PRMT9: variants seen among roughly 807,000 people sequenced by gnomAD.
PRMT9 encodes the protein protein arginine methyltransferase 9, also known as protein arginine N-methyltransferase 9.
A neutral mutation model predicts 83.2 loss-of-function variants in PRMT9; 59 were observed. The observed-to-expected ratio is 0.71, with a 90% confidence interval of 0.57 to 0.88. The LOEUF (loss-of-function observed/expected upper bound fraction) is 0.88, where lower values mean the gene tolerates loss of function less well. Ranked by LOEUF, PRMT9 falls within the 40% of genes least tolerant of loss-of-function variation. The pLI, the probability that PRMT9 is intolerant of heterozygous loss-of-function variation, is 0.00. For missense variants in PRMT9, 947 were observed against 1,021.9 expected, an observed-to-expected ratio of 0.93 and a Z score of 1.00; for synonymous variants, 333 against 353.2, an observed-to-expected ratio of 0.94 and a Z score of 0.64.
intron 9 of PRMT9, among the ~76,000 whole-genome samples, chr4:147,645,705 G>C (rs902094272): frequency 1.3e-5 from 2 of 152,102 alleles, no homozygotes; most frequent in Non-Finnish European, 1.5e-5. Flanking sequence ...AAGTTAACAA[G>C]GAAACAGTCT....
At chr4:147,673,608 A>C in intron 3 of PRMT9, 30 bp downstream of exon 3, 2 of 1,265,430 alleles carry the variant, frequency 1.6e-6, no homozygotes, top group Non-Finnish European at 2.3e-6. Context: ...GAATACATGT[A>C]TATACCATTA....
At chr4:147,648,664 T>C (rs1424516452) in intron 9 of PRMT9, among the ~76,000 whole-genome samples, 1 of 152,212 alleles carries the variant, frequency 6.6e-6, no homozygotes, top group Non-Finnish European at 1.5e-5. Flanking sequence ...TACTTGTAAC[T>C]GGCATCTGAA....
At chr4:147,673,916 A>G (rs781129635) in intron 2 of PRMT9, 42 bp from the exon 3 acceptor site, 1 of 1,495,964 alleles carries the variant, frequency 6.7e-7, no homozygotes, top group Non-Finnish European at 9.3e-7. Context: ...ATTCAACTAT[A>G]TGCTACCAAC....
chr4:147,668,510 G>A, intron 6 of PRMT9, 29 bp downstream of exon 6: 6 of 1,255,694 alleles, frequency 4.8e-6, no homozygotes, highest in Non-Finnish European at 7.0e-6. Flanking sequence ...GTGCTTTATA[G>A]CAGTGTGAAA....
At chr4:147,654,919 A>G (rs558827689) in intron 8 of PRMT9, among the ~76,000 whole-genome samples, 5 of 152,342 alleles carry the variant, frequency 3.3e-5, no homozygotes, top group Non-Finnish European at 5.9e-5. Flanking sequence ...CTTTGGTAAT[A>G]AAGGCTAACA....
Position 147,657,808 on chromosome 4 carries a change from G to T in PRMT9, c.1314C>A (p.Pro438=), listed in dbSNP as rs756611829. 6 of 1,611,824 alleles carry T rather than the reference G, an allele frequency of 3.7e-6. No individual in the cohort carries two copies. Among genetic ancestry groups the T allele is most frequent in the Non-Finnish European group, 4.2e-6 (5 of 1,179,550 alleles). The change falls in exon 8 of 12, where the codon CCC becomes CCA. Residue 438 remains proline, a synonymous_variant. Coordinates refer to ENST00000322396, the MANE Select transcript of PRMT9 (RefSeq NM_138364.4). ...AAGACCTACCTGCAAGGTCCTGTAC[G>T]GGGTAGACAGCCTGTTCCCAACATG... The part of the protein sequence containing the change: ...EETCWEQAVY[P]VQDLADYWIK...
At chr4:147,680,638 G>T (rs889356019) in intron 1 of PRMT9, among the ~76,000 whole-genome samples, 167 bp from the exon 2 acceptor site, 3 of 152,184 alleles carry the variant, frequency 2.0e-5, no homozygotes, top group Non-Finnish European at 4.4e-5. Flanking sequence ...GTGCACAAAT[G>T]AATGAATTTT....
chr4:147,648,437 T>C (rs574966540), intron 9 of PRMT9, among the ~76,000 whole-genome samples: 6 of 152,336 alleles, frequency 3.9e-5, no homozygotes, highest in African/African-American at 1.2e-4. Context: ...AGAGAGGGCA[T>C]GGAAGCCCCA....
intron 6 of PRMT9, among the ~76,000 whole-genome samples, chr4:147,666,523 T>C (rs1735342375): frequency 6.6e-6 from 1 of 152,188 alleles, no homozygotes; most frequent in South Asian, 2.1e-4. Flanking sequence ...TCCATATAAA[T>C]TCAAAGGTCT....
At chr4:147,657,572 T>C (rs1234779217) in intron 8 of PRMT9, among the ~76,000 whole-genome samples, 2 of 151,502 alleles carry the variant, frequency 1.3e-5, no homozygotes, top group Non-Finnish European at 2.9e-5. Flanking sequence ...GAAATAATGA[T>C]AGGTTTTTCA....
At chr4:147,653,430 G>A (rs996344510) in intron 9 of PRMT9, among the ~76,000 whole-genome samples, 8 of 136,844 alleles carry the variant, frequency 5.8e-5, no homozygotes, top group Non-Finnish European at 9.0e-5. Context: ...CAGCAAGAGC[G>A]AAACTCCGTC....
At position 147,642,149 on chromosome 4, in the gene PRMT9, G is replaced by A. The variant is rs540305508; in HGVS notation, c.2199+638C>T. 2.0e-3 allele frequency among the ~76,000 whole-genome samples: 308 copies of A among 152,274 alleles called. 3 individuals carry two copies. Among genetic ancestry groups the A allele is most frequent in the African/African-American group, 7.1e-3 (295 of 41,552 alleles). ...TGTAAGGGTTCAAGTTTAGAACATA[G>A]ATCTTTTTTGGACAAAGACCACTCT... On this transcript the variant is annotated intron_variant, in intron 10 of 11. Coordinates refer to ENST00000322396, the MANE Select transcript of PRMT9 (RefSeq NM_138364.4).
intron 1 of PRMT9, among the ~76,000 whole-genome samples, chr4:147,681,643 CAAGCACGGTGGCG>C (rs1736476889): frequency 1.3e-5 from 2 of 152,022 alleles, no homozygotes; most frequent in South Asian, 4.1e-4. Context: ...AAAAATTAGC[CAAGCACGGTGGCG>C]AACACCTATA....
intron 4 of PRMT9, 99 bp downstream of exon 4, chr4:147,672,860 G>A (rs1735821835): frequency 2.3e-6 from 2 of 884,710 alleles, no homozygotes; most frequent in African/African-American, 3.4e-5. Context: ...ACAAAATAAG[G>A]GTTTTGTAGC....
intron 5 of PRMT9, among the ~76,000 whole-genome samples, 161 bp downstream of exon 5, chr4:147,670,480 G>A (rs1315610510): frequency 1.3e-5 from 2 of 152,184 alleles, no homozygotes; most frequent in African/African-American, 4.8e-5. Context: ...CACCCGGCCA[G>A]TAAAAGTTTT....
intron 9 of PRMT9, among the ~76,000 whole-genome samples, chr4:147,648,986 G>A (rs1210501557): frequency 6.6e-6 from 1 of 152,060 alleles, no homozygotes; most frequent in Non-Finnish European, 1.5e-5. Flanking sequence ...GCAACTGCTA[G>A]GCTCCTCAGA....
Position 147,657,732 on chromosome 4 carries a change from T to C in PRMT9, c.1330+60A>G, listed in dbSNP as rs560404182. On this transcript the variant is annotated intron_variant, in intron 8 of 11. Transcript: ENST00000322396. ...TCCAAAGTAATTTTTTTTTTGCCAC[T>C]GACTTGAATACTTAGAAGATTAAAG... 8.1e-5 allele frequency: 109 copies of C among 1,353,086 alleles called. 1 individual carries two copies. In the South Asian group the frequency reaches 1.2e-3, roughly 14 times the overall value. 83.8% of individuals were successfully genotyped at this position (1,353,086 alleles called of 1,614,324 possible). A position where few individuals can be genotyped will look rare whatever the true frequency, so the allele number is the denominator to read the frequency against.
Position 147,653,940 on chromosome 4 carries a change from C to CT in PRMT9, c.1956dup (p.Asp653ArgfsTer13). On this transcript the variant is annotated frameshift_variant, in exon 9 of 12. Transcript: ENST00000322396. LOFTEE classifies it high-confidence loss of function. ...AATATAATTATGCTCCATAACTTGT[C>CT]TGATTTTGGCCTTTGTAACATAGCA... 2 of 1,614,170 alleles carry CT rather than the reference C, an allele frequency of 1.2e-6. No homozygotes were observed. Among genetic ancestry groups the CT allele is most frequent in the Non-Finnish European group, 1.7e-6 (2 of 1,180,026 alleles).
chr4:147,671,728 T>C (rs1284227261), intron 4 of PRMT9: 2 of 390,326 alleles, frequency 5.1e-6, no homozygotes, highest in East Asian at 7.2e-5. Flanking sequence ...AAATTAATAA[T>C]AGTCTAATCT....
Sources: allele counts gnomAD v4.1 joint callset (sites outside exome capture counted in the v4.1 genomes callset), GRCh38; gene constraint gnomAD v4.1.1; transcripts MANE v1.5; gene names NCBI Gene and HGNC (gene_info 2026-07-23, HGNC 2026-07-21).